ESYT2: variants seen among roughly 807,000 people sequenced by gnomAD.
ESYT2 encodes extended synaptotagmin 2, also known as extended synaptotagmin-2.
Under a neutral mutation model 107.2 loss-of-function variants are expected in ESYT2, and 54 were observed. The observed-to-expected ratio is 0.50, with a 90% confidence interval of 0.40 to 0.63. ESYT2 has a LOEUF of 0.63. Among genes scored for constraint, ESYT2 ranks in the 30% least tolerant of loss-of-function variants. The pLI is 0.00. For synonymous variants in ESYT2, 491 were observed against 434.1 expected, an observed-to-expected ratio of 1.13 and a Z score of -1.63; for missense variants, 1,020 against 1,094.5, an observed-to-expected ratio of 0.93 and a Z score of 0.96.
intron 17 of ESYT2, among the ~76,000 whole-genome samples, chr7:158,742,488 G>A (rs945921329): frequency 1.3e-5 from 2 of 152,178 alleles, no homozygotes; most frequent in African/African-American, 4.8e-5. Context: ...GCATTTCCTC[G>A]ACACAAGACC....
At chr7:158,741,028 C>G (rs1837178819) in intron 18 of ESYT2, among the ~76,000 whole-genome samples, 1 of 152,140 alleles carries the variant, frequency 6.6e-6, no homozygotes, top group Non-Finnish European at 1.5e-5. Context: ...TAACACACAC[C>G]TATGAGTCAT....
chr7:158,770,646 CT>C (rs1402727666), intron 7 of ESYT2, among the ~76,000 whole-genome samples: 1 of 152,054 alleles, frequency 6.6e-6, no homozygotes, highest in African/African-American at 2.4e-5. Context: ...TCCCGAGTAG[CT>C]GGGACTACAG....
intron 13 of ESYT2, among the ~76,000 whole-genome samples, chr7:158,753,131 A>G (rs1837634848): frequency 6.6e-6 from 1 of 152,244 alleles, no homozygotes; most frequent in East Asian, 1.9e-4. Flanking sequence ...GATTTCACAA[A>G]TACAAGAGTG....
chr7:158,785,471 A>AAATCAATC lies in ESYT2; in HGVS notation c.747+2532_747+2533insGATTGATT, dbSNP rs1554419836. ...TAAATAAATAAATAAATAAATAAAT[A>AAATCAATC]AATCACCTCCAGTGTCAGGACTAAA... On this transcript the variant is annotated intron_variant, in intron 6 of 22. Transcript: ENST00000275418. Among the ~76,000 whole-genome samples, 25 of 137,562 alleles carry AAATCAATC rather than the reference A, an allele frequency of 1.8e-4. No individual in the cohort carries two copies. In the East Asian group the frequency reaches 5.0e-3, roughly 28 times the overall value. 90.2% of individuals were successfully genotyped at this position (137,562 alleles called of 152,430 possible).
chr7:158,792,042 GT>G, intron 4 of ESYT2, among the ~76,000 whole-genome samples: 1 of 151,304 alleles, frequency 6.6e-6, no homozygotes, highest in Admixed American at 6.6e-5. Context: ...AAATGAAATT[GT>G]TTCCTTCATT....
intron 3 of ESYT2, among the ~76,000 whole-genome samples, chr7:158,797,286 C>T (rs948344734): frequency 6.6e-6 from 1 of 152,108 alleles, no homozygotes. Flanking sequence ...TAGTTCTGAC[C>T]ATATACGTGC....
At chr7:158,798,492 CA>C (rs1407242117) in intron 2 of ESYT2, among the ~76,000 whole-genome samples, 1 of 151,272 alleles carries the variant, frequency 6.6e-6, no homozygotes, top group Non-Finnish European at 1.5e-5. Flanking sequence ...ACTAAAAATA[CA>C]AAATTAGCCA....
At position 158,764,588 on chromosome 7, in the gene ESYT2, C is replaced by T; in HGVS notation, c.1101+89G>A. ...AATGATGGCCTAAATGAGCCACACT[C>T]CCACGTGACTGTGCTGGAATGAGAG... is the stretch of plus-strand genomic sequence containing the variant. On this transcript the variant is annotated intron_variant, in intron 9 of 22. Transcript: ENST00000275418. 48 of 1,364,246 alleles carry T rather than the reference C, an allele frequency of 3.5e-5. 1 individual carries two copies. In the South Asian group the frequency reaches 6.6e-4, roughly 19 times the overall value. 84.5% of individuals were successfully genotyped at this position (1,364,246 alleles called of 1,614,324 possible).
intron 7 of ESYT2, among the ~76,000 whole-genome samples, chr7:158,769,567 G>A (rs191465347): frequency 1.1e-3 from 175 of 152,296 alleles, no homozygotes; most frequent in African/African-American, 3.9e-3. Flanking sequence ...TGTGTCCTTC[G>A]GAACCACGAC....
chr7:158,824,027 T>A (rs36067117), intron 1 of ESYT2, among the ~76,000 whole-genome samples: 16,602 of 152,230 alleles, frequency 0.11, 937 homozygotes, highest in African/African-American at 0.13. Flanking sequence ...GCTGATGGAT[T>A]GCATATATCC....
chr7:158,810,855 G>T (rs956239730), intron 1 of ESYT2, among the ~76,000 whole-genome samples: 5 of 152,072 alleles, frequency 3.3e-5, no homozygotes, highest in African/African-American at 1.2e-4. Flanking sequence ...TGGGTATAGG[G>T]TTTCTTTACA....
chr7:158,819,366 A>G (rs898742560), intron 1 of ESYT2, among the ~76,000 whole-genome samples: 1 of 150,820 alleles, frequency 6.6e-6, no homozygotes, highest in African/African-American at 2.4e-5. Flanking sequence ...AGAAAATTAA[A>G]TATCTCAAAT....
At chr7:158,755,453 T>G (rs1407619955) in intron 13 of ESYT2, among the ~76,000 whole-genome samples, 1 of 152,232 alleles carries the variant, frequency 6.6e-6, no homozygotes, top group Non-Finnish European at 1.5e-5. Context: ...AGACACTTCC[T>G]TTCTGCAAAA....
At chr7:158,744,251 C>T (rs9638136) in intron 16 of ESYT2, 35,996 of 151,962 alleles carry the variant, frequency 0.24, 5,135 homozygotes, top group East Asian at 0.59. Context: ...TCTGCTATTT[C>T]GTCATTATAG....
intron 15 of ESYT2, among the ~76,000 whole-genome samples, chr7:158,749,128 A>G (rs1837503158): frequency 1.3e-5 from 2 of 151,980 alleles, no homozygotes; most frequent in South Asian, 4.2e-4. Context: ...GTTTTTTGAG[A>G]CAGAGTCTTG....
At chr7:158,825,419 TC>T (rs1397675008) in intron 1 of ESYT2, among the ~76,000 whole-genome samples, 1 of 152,234 alleles carries the variant, frequency 6.6e-6, no homozygotes, top group Admixed American at 6.5e-5. Context: ...TGTCCTCAAT[TC>T]ATCCAGCCTG....
At chr7:158,742,024 TA>T in intron 17 of ESYT2, 128 bp from the exon 18 acceptor site, 4 of 1,116,962 alleles carry the variant, frequency 3.6e-6, no homozygotes, top group Non-Finnish European at 5.0e-6. Flanking sequence ...AATTTTTTTT[TA>T]AAGGAAAGTT....
intron 7 of ESYT2, among the ~76,000 whole-genome samples, chr7:158,770,795 G>A (rs899596799): frequency 6.6e-6 from 1 of 152,058 alleles, no homozygotes; most frequent in Non-Finnish European, 1.5e-5. Context: ...GATTACAGGC[G>A]TGAGCCACCG....
chr7:158,741,100 G>T (rs34175774), intron 18 of ESYT2, among the ~76,000 whole-genome samples: 1 of 152,072 alleles, frequency 6.6e-6, no homozygotes, highest in African/African-American at 2.4e-5. Context: ...TGAGCAACAG[G>T]GATGGGATCC....
Sources: gnomAD v4.1 joint callset for allele counts (sites outside exome capture counted in the v4.1 genomes callset) on GRCh38, gnomAD v4.1.1 for gene constraint, MANE v1.5 for transcripts, NCBI Gene and HGNC (gene_info 2026-07-23, HGNC 2026-07-21) for gene names.